Variants in ZFHX4 observed in about 807,000 individuals in gnomAD.
ZFHX4 encodes the protein zinc finger homeobox protein 4.
Under a neutral mutation model 267.6 loss-of-function variants are expected in ZFHX4, and 56 were observed. The ratio of observed to expected loss-of-function variants is 0.21; its 90% CI spans 0.17 to 0.26. The LOEUF (loss-of-function observed/expected upper bound fraction) is 0.26. Ranked by LOEUF, ZFHX4 falls within the 10% of genes least tolerant of loss-of-function variation. ZFHX4 has a pLI of 1.00. For missense variants in ZFHX4, 4,332 were observed against 4,420.0 expected, an observed-to-expected ratio of 0.98 and a Z score of 0.56; for synonymous variants, 1,778 against 1,665.6, an observed-to-expected ratio of 1.07 and a Z score of -1.64.
Position 76,863,343 on chromosome 8 carries a change from C to G in ZFHX4, c.9629C>G (p.Thr3210Ser). Residue 3210 changes from threonine to serine, a missense_variant, in exon 11 of 11, where the codon ACC becomes AGC. This residue lies in a region of ZFHX4 where 1,648 missense variants were observed against 1,625.0 expected (regional missense o/e 1.01). Transcript: ENST00000651372. ...KKIKEEELEA[T>S]KPEKHPKKEE... ...ATCAAAGAGGAGGAATTAGAGGCCA[C>G]CAAACCCGAAAAACACCCCAAAAAA... The G allele has an allele frequency of 6.2e-7, 1 of 1,613,790 alleles. No homozygotes were observed. Among genetic ancestry groups the G allele is most frequent in the Non-Finnish European group, 8.5e-7 (1 of 1,179,830 alleles).
chr8:76,848,947 C>T (rs772579028), intron 6 of ZFHX4, 48 bp from the exon 7 acceptor site: 42 of 1,436,914 alleles, frequency 2.9e-5, no homozygotes, highest in Admixed American at 6.4e-5. Flanking sequence ...TTTCTCATTT[C>T]GGAATTGTGT....
chr8:76,796,904 T>G (rs1242238615), intron 4 of ZFHX4, among the ~76,000 whole-genome samples: 1 of 152,176 alleles, frequency 6.6e-6, no homozygotes, highest in East Asian at 1.9e-4. Context: ...CCTGCACAGG[T>G]TCCTTGAATG....
chr8:76,755,119 G>A (rs574394880), intron 3 of ZFHX4, among the ~76,000 whole-genome samples: 1 of 152,194 alleles, frequency 6.6e-6, no homozygotes, highest in African/African-American at 2.4e-5. Flanking sequence ...TAACTAATAG[G>A]TCAAACTTTA....
intron 10 of ZFHX4, among the ~76,000 whole-genome samples, chr8:76,860,212 A>G (rs1812831447): frequency 6.6e-6 from 1 of 152,116 alleles, no homozygotes; most frequent in South Asian, 2.1e-4. Context: ...AGCCAAATGC[A>G]CATAGCTTAT....
chr8:76,737,490 A>G (rs770433675), intron 3 of ZFHX4, among the ~76,000 whole-genome samples: 7 of 152,174 alleles, frequency 4.6e-5, no homozygotes, highest in Non-Finnish European at 1.0e-4. Context: ...TAGGCAGAGC[A>G]TTATAGTAAT....
At chr8:76,812,650 T>A (rs186694144) in intron 4 of ZFHX4, among the ~76,000 whole-genome samples, 1 of 152,320 alleles carries the variant, frequency 6.6e-6, no homozygotes, top group East Asian at 1.9e-4. Context: ...TTATTTCATA[T>A]GTACCCTCAA....
At chr8:76,734,013 C>T (rs1456871384) in intron 3 of ZFHX4, among the ~76,000 whole-genome samples, 2 of 152,234 alleles carry the variant, frequency 1.3e-5, no homozygotes, top group Non-Finnish European at 2.9e-5. Context: ...TAATAAAGTA[C>T]ATCGGGACTT....
At position 76,852,822 on chromosome 8, in the gene ZFHX4, T is replaced by G. The variant is rs779691683; in HGVS notation, c.5901T>G (p.His1967Gln). 5.6e-6 allele frequency: 9 copies of G among 1,613,872 alleles called. No homozygotes were observed. The South Asian group carries it at 7.7e-5, about 14-fold the overall frequency. Residue 1967 changes from histidine to glutamine, a missense_variant, in exon 10 of 11, where the codon CAT becomes CAG. Around this residue, in one of 7 missense-constraint regions of ZFHX4, gnomAD observed 1,371 missense variants for 1,423.1 expected, o/e 0.96. Coordinates refer to ENST00000651372, the MANE Select transcript of ZFHX4 (RefSeq NM_024721.5). ...TTATTTTAAAGAGTCACCAAGAACATGTACATGGGCAATTTTTTCCATATG... is the reference window on the plus strand; with the variant it reads ...TTATTTTAAAGAGTCACCAAGAACAGGTACATGGGCAATTTTTTCCATATG... ...NVLILKSHQEHVHGQFFPYAA... is the reference protein window; with the variant it reads ...NVLILKSHQEQVHGQFFPYAA...
intron 4 of ZFHX4, among the ~76,000 whole-genome samples, chr8:76,810,718 A>T (rs1278607892): frequency 6.6e-6 from 1 of 152,212 alleles, no homozygotes; most frequent in Admixed American, 6.5e-5. Flanking sequence ...AAAAATGAGA[A>T]GGCACAGGAA....
At chr8:76,731,222 A>T (rs1343299076) in intron 3 of ZFHX4, among the ~76,000 whole-genome samples, 1 of 152,134 alleles carries the variant, frequency 6.6e-6, no homozygotes, top group Non-Finnish European at 1.5e-5. Flanking sequence ...AGACTCTCAG[A>T]CCCTGTATAT....
Position 76,842,691 on chromosome 8 carries a change from C to T in ZFHX4, c.3431C>T (p.Pro1144Leu). The change falls in exon 6 of 11, where the codon CCT (proline) becomes CTT (leucine). Residue 1144 changes from proline to leucine, a missense_variant. Physicochemically the swap from Pro to Leu is moderately conservative, Grantham distance 98. Transcript: ENST00000651372. ...QSEEAEGAIK[P>L]TAVAEDDEKD... ...GAGGAGGCAGAAGGAGCTATTAAGCCTACAGCAGTGGCCGAGGACGATGAA... is the reference window on the plus strand; with the variant it reads ...GAGGAGGCAGAAGGAGCTATTAAGCTTACAGCAGTGGCCGAGGACGATGAA... The T allele has an allele frequency of 6.4e-7, 1 of 1,553,864 alleles. No homozygotes were observed. The highest frequency in any genetic ancestry group is 8.7e-7 in the Non-Finnish European group (1 of 1,148,300).
chr8:76,832,184 A>T (rs1344141661), intron 4 of ZFHX4, among the ~76,000 whole-genome samples: 1 of 152,140 alleles, frequency 6.6e-6, no homozygotes, highest in Admixed American at 6.6e-5. Flanking sequence ...TCAACCAGAG[A>T]TGCTATTGCT....
intron 1 of ZFHX4, among the ~76,000 whole-genome samples, chr8:76,693,198 T>A (rs1366099838): frequency 1.3e-5 from 2 of 152,088 alleles, no homozygotes; most frequent in Admixed American, 1.3e-4. Context: ...AATGGATAAA[T>A]GAATGATAAT....
intron 3 of ZFHX4, among the ~76,000 whole-genome samples, chr8:76,752,708 A>G (rs554592368): frequency 6.6e-6 from 1 of 151,284 alleles, no homozygotes; most frequent in East Asian, 2.0e-4. Context: ...ACAAAAAAAC[A>G]CCCCATGCCC....
At chr8:76,712,062 T>C (rs1266686515) in intron 3 of ZFHX4, among the ~76,000 whole-genome samples, 4 of 152,214 alleles carry the variant, frequency 2.6e-5, no homozygotes, top group Admixed American at 6.5e-5. Flanking sequence ...CTGCTAGTAG[T>C]GAAGCAGAGT....
chr8:76,699,619 C>T (rs1808049739), intron 1 of ZFHX4, among the ~76,000 whole-genome samples: 1 of 151,906 alleles, frequency 6.6e-6, no homozygotes, highest in South Asian at 2.1e-4. Flanking sequence ...TAGCACACCA[C>T]ACCCTTTTAA....
Position 76,707,020 on chromosome 8 carries a change from A to G in ZFHX4, c.2590+342A>G, listed in dbSNP as rs1808294147. Among the ~76,000 whole-genome samples, 5 of 152,264 alleles carry G rather than the reference A, an allele frequency of 3.3e-5. No homozygotes were observed. The South Asian group carries it at 1.0e-3, about 31-fold the overall frequency. ...GTTTCAATTTTGGTGATTATTCGCT[A>G]ACATATCAAACGAGCTTTAAAAGGG... is the stretch of plus-strand genomic sequence containing the variant. On this transcript the variant is annotated intron_variant, in intron 2 of 10. Coordinates refer to ENST00000651372, the MANE Select transcript of ZFHX4 (RefSeq NM_024721.5).
At chr8:76,711,793 C>T (rs1015405962) in intron 3 of ZFHX4, among the ~76,000 whole-genome samples, 1 of 152,062 alleles carries the variant, frequency 6.6e-6, no homozygotes, top group Non-Finnish European at 1.5e-5. Context: ...ACTACACGTT[C>T]AAATTGAGGA....
chr8:76,704,075 A>G lies in ZFHX4; in HGVS notation c.-14A>G. On this transcript the variant is annotated 5_prime_UTR_variant, in exon 2 of 11. The change abolishes an upstream ATG in the 5' untranslated region. Coordinates refer to ENST00000651372, the MANE Select transcript of ZFHX4 (RefSeq NM_024721.5). ...ACAGGCTGGATGAAATGAGATCCCC[A>G]TGTAGCAATTGCCATGGAAACCTGT... 2.5e-6 allele frequency: 4 copies of G among 1,592,726 alleles called. No homozygotes were observed. Among genetic ancestry groups the G allele is most frequent in the Admixed American group, 1.7e-5 (1 of 57,752 alleles).
Sources: gnomAD v4.1 joint callset for allele counts (sites outside exome capture counted in the v4.1 genomes callset) on GRCh38, gnomAD v4.1.1 for gene constraint, gnomAD v4.1.1 regional missense constraint, MANE v1.5 for transcripts, NCBI Gene and HGNC (gene_info 2026-07-23, HGNC 2026-07-21) for gene names.